FAF1: variants seen among roughly 807,000 people sequenced by gnomAD.
The protein encoded by FAF1 is Fas associated factor 1.
In FAF1, 25 loss-of-function variants were observed where a neutral mutation model predicts 92.5. The ratio of observed to expected loss-of-function variants is 0.27; its 90% confidence interval spans 0.20 to 0.38. FAF1 has a LOEUF of 0.38. FAF1 is among the 10% of genes least tolerant of loss of function. The pLI is 1.00. For missense variants in FAF1, 636 were observed against 793.3 expected (o/e 0.80, Z 2.38); for synonymous variants, 234 against 273.2 (o/e 0.86, Z 1.42).
At chr1:50,823,589 T>C (rs745769693) in intron 2 of FAF1, among the ~76,000 whole-genome samples, 1 of 152,062 alleles carries the variant, frequency 6.6e-6, no homozygotes, top group Non-Finnish European at 1.5e-5. Flanking sequence ...TAAAGTTCTT[T>C]TCCCAAAAAT....
At chr1:50,736,937 T>C (rs1659165446) in intron 6 of FAF1, among the ~76,000 whole-genome samples, 1 of 152,184 alleles carries the variant, frequency 6.6e-6, no homozygotes, top group South Asian at 2.1e-4. Context: ...TTTAAAAATC[T>C]CTAGTTTTAT....
intron 4 of FAF1, among the ~76,000 whole-genome samples, chr1:50,750,896 T>A (rs745999006): frequency 2.0e-5 from 3 of 151,676 alleles, no homozygotes; most frequent in Non-Finnish European, 4.4e-5. Context: ...ATGCTGGGAT[T>A]ATAGGCATGA....
At chr1:50,491,996 G>A (rs1646843935) in intron 15 of FAF1, among the ~76,000 whole-genome samples, 195 bp from the exon 16 acceptor site, 1 of 152,174 alleles carries the variant, frequency 6.6e-6, no homozygotes, top group South Asian at 2.1e-4. Context: ...AAATAAGAAT[G>A]TTTGAATCCT....
chr1:50,584,557 A>T, intron 10 of FAF1, 128 bp downstream of exon 10: 1 of 813,620 alleles, frequency 1.2e-6, no homozygotes, highest in Non-Finnish European at 1.8e-6. Flanking sequence ...AAGAATGCCT[A>T]CTCTCTATTA....
chr1:50,754,368 G>A (rs1659991935), intron 4 of FAF1, among the ~76,000 whole-genome samples: 1 of 152,192 alleles, frequency 6.6e-6, no homozygotes, highest in Non-Finnish European at 1.5e-5. Flanking sequence ...CACCACTGAG[G>A]AAAGATCCTT....
chr1:50,630,813 T>C (rs900457652), intron 8 of FAF1, among the ~76,000 whole-genome samples: 4 of 150,724 alleles, frequency 2.7e-5, no homozygotes, highest in Non-Finnish European at 5.9e-5. Flanking sequence ...AGTTTACATA[T>C]CTAGTGTATC....
intron 6 of FAF1, among the ~76,000 whole-genome samples, chr1:50,729,058 A>ATATAT (rs1375923156): frequency 0.019 from 1,363 of 70,010 alleles, 30 homozygotes; most frequent in South Asian, 0.042. Context: ...ATATATATAT[A>ATATAT]TTTTTTTTTT....
At chr1:50,728,395 C>T (rs538323269) in intron 6 of FAF1, among the ~76,000 whole-genome samples, 4 of 152,014 alleles carry the variant, frequency 2.6e-5, no homozygotes, top group African/African-American at 7.3e-5. Context: ...AGAGGGACAG[C>T]GATAAAAGAC....
intron 13 of FAF1, among the ~76,000 whole-genome samples, chr1:50,548,993 G>A (rs1447825538): frequency 6.6e-6 from 1 of 152,090 alleles, no homozygotes; most frequent in African/African-American, 2.4e-5. Flanking sequence ...CTTTTTGTGT[G>A]CTTCAGAGTC....
intron 6 of FAF1, among the ~76,000 whole-genome samples, chr1:50,720,027 A>G (rs1658343836): frequency 6.8e-6 from 1 of 147,334 alleles, no homozygotes. Context: ...TTTGAGAAGG[A>G]GTCTTGTTCT....
chr1:50,839,638 T>C (rs890735692), intron 2 of FAF1, among the ~76,000 whole-genome samples: 1 of 152,172 alleles, frequency 6.6e-6, no homozygotes, highest in African/African-American at 2.4e-5. Flanking sequence ...CAGGTCCTTA[T>C]AATACTTGTA....
At chr1:50,675,894 G>A (rs1221525134) in intron 7 of FAF1, among the ~76,000 whole-genome samples, 2 of 152,164 alleles carry the variant, frequency 1.3e-5, no homozygotes, top group Non-Finnish European at 2.9e-5. Context: ...GAGTAGCAGA[G>A]GCACTGGTCC....
intron 14 of FAF1, among the ~76,000 whole-genome samples, chr1:50,537,931 T>C (rs1486943764): frequency 1.3e-5 from 2 of 152,174 alleles, no homozygotes; most frequent in Non-Finnish European, 2.9e-5. Context: ...TAGATGCACA[T>C]GGAATTTGAA....
At position 50,590,615 on chromosome 1, in the gene FAF1, ATTTCTT is replaced by A. The variant is rs372448632; in HGVS notation, c.840+5500_840+5505del. 4.8e-4 allele frequency among the ~76,000 whole-genome samples: 73 copies of A among 152,192 alleles called. 4 individuals carry two copies. Among genetic ancestry groups the A allele is most frequent in the African/African-American group, 1.3e-3 (55 of 41,530 alleles). On this transcript the variant is annotated intron_variant, in intron 9 of 18. Coordinates refer to ENST00000396153, the MANE Select transcript of FAF1 (RefSeq NM_007051.3). ...AGAGATTATTTTAATCCTTCCTTTT[ATTTCTT>A]TTTCTTTTTCTTGCCTAATTGCCCT... is the stretch of plus-strand genomic sequence containing the variant.
intron 1 of FAF1, among the ~76,000 whole-genome samples, chr1:50,867,949 T>G (rs1241976187): frequency 6.6e-6 from 1 of 151,692 alleles, no homozygotes; most frequent in Non-Finnish European, 1.5e-5. Flanking sequence ...AATCAATGAG[T>G]GAATAAAGAA....
At chr1:50,702,264 C>A (rs1657504880) in intron 7 of FAF1, among the ~76,000 whole-genome samples, 1 of 151,942 alleles carries the variant, frequency 6.6e-6, no homozygotes, top group Non-Finnish European at 1.5e-5. Flanking sequence ...CATTTGTAAC[C>A]ACAGATCTTT....
At chr1:50,529,865 T>G (rs1429896484) in intron 15 of FAF1, among the ~76,000 whole-genome samples, 2 of 152,188 alleles carry the variant, frequency 1.3e-5, no homozygotes, top group African/African-American at 4.8e-5. Flanking sequence ...TAAATATTTA[T>G]GAAATGAATA....
At chr1:50,848,833 G>A (rs1352249362) in intron 2 of FAF1, among the ~76,000 whole-genome samples, 3 of 152,176 alleles carry the variant, frequency 2.0e-5, no homozygotes, top group Non-Finnish European at 2.9e-5. Flanking sequence ...TGAAGAATCA[G>A]CACAAGTTGG....
chr1:50,874,755 TTTC>T (rs1459672713), intron 1 of FAF1, among the ~76,000 whole-genome samples: 3 of 142,214 alleles, frequency 2.1e-5, no homozygotes, highest in South Asian at 2.2e-4. Context: ...TTTTCTTTTC[TTTC>T]TTTTTTTTTT....
Sources: gnomAD v4.1 joint callset for allele counts (sites outside exome capture counted in the v4.1 genomes callset) on GRCh38, gnomAD v4.1.1 for gene constraint, MANE v1.5 for transcripts, NCBI Gene and HGNC (gene_info 2026-07-23, HGNC 2026-07-21) for gene names.